The following ITPR1 variants were observed in gnomAD, a reference collection of about 807,000 sequenced individuals.
ITPR1 encodes inositol 1,4,5-trisphosphate receptor type 1.
In ITPR1, 96 loss-of-function variants were observed where a neutral mutation model predicts 318.4. The ratio of observed to expected loss-of-function variants is 0.30; its 90% CI spans 0.26 to 0.36. ITPR1 has a LOEUF of 0.36. Among genes scored for constraint, ITPR1 ranks in the 10% least tolerant of loss-of-function variants. The pLI is 1.00. For missense variants in ITPR1, 2,440 were observed against 3,460.2 expected, an observed-to-expected ratio of 0.71 and a Z score of 7.40; for synonymous variants, 1,312 against 1,289.9, an observed-to-expected ratio of 1.02 and a Z score of -0.37.
chr3:4,786,264 A>G (rs138721669), intron 51 of ITPR1, among the ~76,000 whole-genome samples: 89 of 152,364 alleles, frequency 5.8e-4, no homozygotes, highest in Non-Finnish European at 1.1e-3. Context: ...GCTTGTGTGC[A>G]GGTTCTGGTC....
At chr3:4,584,695 C>G (rs2089704111) in intron 4 of ITPR1, among the ~76,000 whole-genome samples, 1 of 152,112 alleles carries the variant, frequency 6.6e-6, no homozygotes, top group South Asian at 2.1e-4. Flanking sequence ...AACTCACTTT[C>G]ATTTTCAAGA....
chr3:4,701,404 G>C (rs1440845487), intron 35 of ITPR1, among the ~76,000 whole-genome samples: 4 of 152,170 alleles, frequency 2.6e-5, no homozygotes, highest in African/African-American at 9.7e-5. Flanking sequence ...GGCCCTTTGA[G>C]TTAGCTCCAG....
At chr3:4,829,465 TAGA>T (rs2050296842) in intron 60 of ITPR1, among the ~76,000 whole-genome samples, 1 of 152,060 alleles carries the variant, frequency 6.6e-6, no homozygotes, top group Non-Finnish European at 1.5e-5. Context: ...ACTCACAGGA[TAGA>T]AGAAGAAAAA....
chr3:4,717,842 C>T (rs143325261), intron 40 of ITPR1, among the ~76,000 whole-genome samples: 67 of 152,264 alleles, frequency 4.4e-4, no homozygotes, highest in Middle Eastern at 3.4e-3. Flanking sequence ...TCTTGGTCTA[C>T]GTATTGAAAA....
chr3:4,768,787 G>T (rs377680703), intron 46 of ITPR1, 23 bp downstream of exon 46: 5 of 1,593,858 alleles, frequency 3.1e-6, no homozygotes, highest in Non-Finnish European at 4.3e-6. Flanking sequence ...GGGTGGGGGC[G>T]TGGAGGGAGC....
At chr3:4,787,337 C>CAAAAAAAAA (rs71053443) in intron 51 of ITPR1, among the ~76,000 whole-genome samples, 8 of 51,350 alleles carry the variant, frequency 1.6e-4, no homozygotes, top group Non-Finnish European at 2.2e-4. Flanking sequence ...GACTCCATCT[C>CAAAAAAAAA]AAAAAAAAAA....
intron 5 of ITPR1, among the ~76,000 whole-genome samples, chr3:4,632,806 C>G (rs1374109559): frequency 6.6e-6 from 1 of 151,696 alleles, no homozygotes; most frequent in Admixed American, 6.6e-5. Flanking sequence ...AAATGGTCAA[C>G]TCCTTATTAA....
rs569755793 is a variant in ITPR1 at position 4,811,812 on chromosome 3, A to T, written c.7468+352A>T. ...CTAGGATCAATACTTAAAGAAAAAAAGGCTGCCGACTGTGCACGTAGAAAC... is the reference window on the plus strand; with the variant it reads ...CTAGGATCAATACTTAAAGAAAAAATGGCTGCCGACTGTGCACGTAGAAAC... On this transcript the variant is annotated intron_variant, in intron 56 of 61. Coordinates refer to ENST00000649015, the MANE Select transcript of ITPR1 (RefSeq NM_001378452.1). Among the ~76,000 whole-genome samples the T allele has an allele frequency of 8.5e-5, 13 of 152,350 alleles. No homozygotes were observed. In the East Asian group the frequency reaches 2.3e-3, roughly 27 times the overall value.
chr3:4,566,926 C>T (rs960711092), intron 4 of ITPR1, among the ~76,000 whole-genome samples: 1 of 152,230 alleles, frequency 6.6e-6, no homozygotes, highest in Non-Finnish European at 1.5e-5. Context: ...ATCTTCCATT[C>T]TGCAGTCTTT....
At position 4,659,304 on chromosome 3, in the gene ITPR1, C is replaced by G. The variant is rs765204185; in HGVS notation, c.1151+1026C>G. On this transcript the variant is annotated intron_variant, in intron 13 of 61. Transcript: ENST00000649015. ...CATTTATTATAGATGGGATCATAAG[C>G]TATTTTAAACATTTTTAACTGAATA... 1.4e-4 allele frequency among the ~76,000 whole-genome samples: 21 copies of G among 152,286 alleles called. No homozygotes were observed. The South Asian group carries it at 1.9e-3, about 14-fold the overall frequency.
chr3:4,663,234 TTGGCTTTATGAGAAATCATAAAGCATGAG>T, intron 16 of ITPR1, 28 bp downstream of exon 16: 1 of 1,586,982 alleles, frequency 6.3e-7, no homozygotes, highest in Admixed American at 1.7e-5. Flanking sequence ...TACTGGGGAT[TTGGCTTTATGAGAAATCATAAAGCATGAG>T]TGGTAGCTCA....
chr3:4,617,643 G>A lies in ITPR1; in HGVS notation c.164-10120G>A, dbSNP rs144672549. Among the ~76,000 whole-genome samples, 1,110 of 152,218 alleles carry A rather than the reference G, an allele frequency of 7.3e-3. 12 individuals are homozygous for A. The highest frequency in any genetic ancestry group is 7.8e-3 in the Non-Finnish European group (532 of 68,018). ...TTTTGTTGTTTCTTGTCAGTCTGTA[G>A]TTGTGAAAAACTGAACACCAATTGA... is the stretch of plus-strand genomic sequence containing the variant. On this transcript the variant is annotated intron_variant, in intron 4 of 61. Transcript: ENST00000649015.
intron 31 of ITPR1, among the ~76,000 whole-genome samples, chr3:4,690,115 A>G (rs1325571853): frequency 2.0e-5 from 3 of 152,192 alleles, no homozygotes; most frequent in African/African-American, 7.2e-5. Context: ...TATCTCTATT[A>G]AAAATACAAA....
chr3:4,606,216 G>C, intron 4 of ITPR1, among the ~76,000 whole-genome samples: 1 of 152,142 alleles, frequency 6.6e-6, no homozygotes, highest in East Asian at 1.9e-4. Flanking sequence ...GTAGTGTTTG[G>C]GATTCTGGAG....
chr3:4,635,745 C>G (rs2093170017), intron 5 of ITPR1, among the ~76,000 whole-genome samples: 1 of 152,172 alleles, frequency 6.6e-6, no homozygotes, highest in African/African-American at 2.4e-5. Context: ...GTAGAAACAG[C>G]CTTGATCAGT....
intron 5 of ITPR1, among the ~76,000 whole-genome samples, chr3:4,635,253 T>C (rs1559582196): frequency 6.6e-6 from 1 of 152,234 alleles, no homozygotes; most frequent in African/African-American, 2.4e-5. Context: ...GTTAAGTCAA[T>C]GTTATGTTGA....
chr3:4,755,135 A>ACACCAT (rs535409710), intron 44 of ITPR1, among the ~76,000 whole-genome samples: 54 of 149,982 alleles, frequency 3.6e-4, no homozygotes, highest in African/African-American at 1.3e-3. Flanking sequence ...TAGCCTGCCT[A>ACACCAT]CACCATCAGG....
rs183618721 is a variant in ITPR1 at position 4,829,424 on chromosome 3, G to T, written c.8029-7350G>T. On this transcript the variant is annotated intron_variant, in intron 60 of 61. Coordinates refer to ENST00000649015, the MANE Select transcript of ITPR1 (RefSeq NM_001378452.1). Reference sequence around the variant, plus strand: ...TTTGGGGCTGGCCAACAAATTCCGGGTATGGAATCCCATTTTTAAAAAATT... The same window carrying T: ...TTTGGGGCTGGCCAACAAATTCCGGTTATGGAATCCCATTTTTAAAAAATT... 3.9e-3 allele frequency among the ~76,000 whole-genome samples: 590 copies of T among 151,390 alleles called. 1 individual carries two copies. Among genetic ancestry groups the T allele is most frequent in the Non-Finnish European group, 7.1e-3 (481 of 68,002 alleles).
At chr3:4,699,213 T>C (rs1477143014) in intron 34 of ITPR1, among the ~76,000 whole-genome samples, 1 of 150,658 alleles carries the variant, frequency 6.6e-6, no homozygotes, top group Non-Finnish European at 1.5e-5. Flanking sequence ...AAAAATTAGC[T>C]GGGCATGGTG....
Sources: gnomAD v4.1 joint callset for allele counts (sites outside exome capture counted in the v4.1 genomes callset) on GRCh38, gnomAD v4.1.1 for gene constraint, MANE v1.5 for transcripts, NCBI Gene and HGNC (gene_info 2026-07-23, HGNC 2026-07-21) for gene names.